Variants in CNTNAP2 observed in about 807,000 individuals in gnomAD.
CNTNAP2 encodes the protein contactin associated protein 2.
Under a neutral mutation model 155.2 loss-of-function variants are expected in CNTNAP2, and 98 were observed. That is an observed-to-expected ratio of 0.63 (90% CI 0.54 to 0.75). The LOEUF (loss-of-function observed/expected upper bound fraction) is 0.75. Ranked by LOEUF, CNTNAP2 falls within the 30% of genes least tolerant of loss-of-function variation. The pLI, the probability that CNTNAP2 is intolerant of heterozygous loss-of-function variation, is 0.00. For synonymous variants in CNTNAP2, 651 were observed against 631.2 expected (o/e 1.03, Z -0.47); for missense variants, 1,727 against 1,688.1 (o/e 1.02, Z -0.40).
At chr7:147,972,963 C>G (rs949608773) in intron 14 of CNTNAP2, among the ~76,000 whole-genome samples, 1 of 151,810 alleles carries the variant, frequency 6.6e-6, no homozygotes, top group Non-Finnish European at 1.5e-5. Context: ...CCACTCTGGG[C>G]ACAAAAGCAA....
intron 3 of CNTNAP2, among the ~76,000 whole-genome samples, chr7:146,934,375 G>A (rs1168132573): frequency 6.9e-6 from 1 of 145,216 alleles, no homozygotes; most frequent in African/African-American, 2.6e-5. Flanking sequence ...CTCACTCATA[G>A]ATGGGAATTG....
chr7:147,041,579 C>T (rs1799260486), intron 3 of CNTNAP2, among the ~76,000 whole-genome samples: 1 of 152,154 alleles, frequency 6.6e-6, no homozygotes, highest in Non-Finnish European at 1.5e-5. Context: ...TAGAATTTGC[C>T]TGATTACATA....
intron 4 of CNTNAP2, among the ~76,000 whole-genome samples, chr7:147,067,056 G>A (rs911887789): frequency 6.6e-6 from 1 of 152,158 alleles, no homozygotes; most frequent in Admixed American, 6.5e-5. Context: ...ACTTTGGGAG[G>A]CTGAGGTGGG....
intron 15 of CNTNAP2, among the ~76,000 whole-genome samples, chr7:148,078,937 T>A (rs1190784338): frequency 6.6e-6 from 1 of 152,230 alleles, no homozygotes; most frequent in African/African-American, 2.4e-5. Context: ...TTTCAACCTA[T>A]GAACAGTATT....
chr7:147,379,618 T>C (rs1031358689), intron 9 of CNTNAP2, among the ~76,000 whole-genome samples: 2 of 152,108 alleles, frequency 1.3e-5, no homozygotes, highest in Admixed American at 6.6e-5. Context: ...GGCTTATGCA[T>C]TCTCAAGAAT....
Position 148,415,858 on chromosome 7 carries a change from C to G in CNTNAP2, c.*242C>G. 3.4e-6 allele frequency: 2 copies of G among 587,178 alleles called. No individual in the cohort carries two copies. Among genetic ancestry groups the G allele is most frequent in the Non-Finnish European group, 6.0e-6 (2 of 334,164 alleles). 36.4% of individuals were successfully genotyped at this position (587,178 alleles called of 1,614,324 possible). ...TCAAAACAAAATAATACAAAAAATG[C>G]TTTTAGAGTTTAAGCAATGGTTGAA... On this transcript the variant is annotated 3_prime_UTR_variant, in exon 24 of 24. Coordinates refer to ENST00000361727, the MANE Select transcript of CNTNAP2 (RefSeq NM_014141.6).
rs771638730 is a variant in CNTNAP2 at position 148,161,711 on chromosome 7, T to A, written c.2774-10531T>A. ...AGCATCTTATTGCTATATTGAAGTG[T>A]CTGTCTCAAAAATAACCAAATCCAA... On this transcript the variant is annotated intron_variant, in intron 17 of 23. Coordinates refer to ENST00000361727, the MANE Select transcript of CNTNAP2 (RefSeq NM_014141.6). 9.1e-4 allele frequency among the ~76,000 whole-genome samples: 138 copies of A among 152,334 alleles called. 1 individual carries two copies. Among genetic ancestry groups the A allele is most frequent in the Admixed American group, 1.9e-3 (29 of 15,300 alleles).
chr7:147,907,146 TC>T (rs1165750440), intron 14 of CNTNAP2, among the ~76,000 whole-genome samples: 12 of 151,944 alleles, frequency 7.9e-5, no homozygotes, highest in African/African-American at 2.9e-4. Flanking sequence ...AAGCTCTGCC[TC>T]CCGGGTTCAC....
intron 13 of CNTNAP2, among the ~76,000 whole-genome samples, chr7:147,804,546 G>GT (rs112502971): frequency 0.11 from 15,772 of 141,648 alleles, 932 homozygotes; most frequent in African/African-American, 0.19. Flanking sequence ...TTCAGTTTTT[G>GT]TTTTTTTGTT....
chr7:146,361,380 C>T (rs1005386), intron 1 of CNTNAP2, among the ~76,000 whole-genome samples: 35,628 of 152,000 alleles, frequency 0.23, 4,844 homozygotes, highest in Admixed American at 0.39. Flanking sequence ...AACCAGTCCC[C>T]CACGTGTACC....
At chr7:146,542,260 T>C (rs1227023195) in intron 1 of CNTNAP2, among the ~76,000 whole-genome samples, 2 of 152,066 alleles carry the variant, frequency 1.3e-5, no homozygotes, top group South Asian at 2.1e-4. Flanking sequence ...AGCTAGGCTA[T>C]AAGGGGAGTG....
intron 9 of CNTNAP2, among the ~76,000 whole-genome samples, chr7:147,323,828 A>G (rs1261849895): frequency 6.6e-6 from 1 of 152,198 alleles, no homozygotes; most frequent in African/African-American, 2.4e-5. Context: ...ACGCATTTAT[A>G]TCTCTGTTAT....
rs137959184 is a variant in CNTNAP2 at position 146,535,989 on chromosome 7, C to A, written c.98-238282C>A. Reference sequence around the variant, plus strand: ...GAAAATATATGAAAGGAATTTTCTTCATCAGGAACTTCAGCAAGGTAAGTA... The same window carrying A: ...GAAAATATATGAAAGGAATTTTCTTAATCAGGAACTTCAGCAAGGTAAGTA... On this transcript the variant is annotated intron_variant, in intron 1 of 23. Coordinates refer to ENST00000361727, the MANE Select transcript of CNTNAP2 (RefSeq NM_014141.6). Among the ~76,000 whole-genome samples the A allele has an allele frequency of 6.7e-3, 1,024 of 152,178 alleles. 13 individuals are homozygous for A. The highest frequency in any genetic ancestry group is 0.021 in the African/African-American group (859 of 41,498).
At chr7:146,333,605 C>T (rs1801221702) in intron 1 of CNTNAP2, among the ~76,000 whole-genome samples, 1 of 152,150 alleles carries the variant, frequency 6.6e-6, no homozygotes, top group Admixed American at 6.5e-5. Flanking sequence ...TCACATTTCT[C>T]TCTTAGTAAT....
At chr7:148,052,411 G>T (rs1274555890) in intron 15 of CNTNAP2, among the ~76,000 whole-genome samples, 1 of 149,862 alleles carries the variant, frequency 6.7e-6, no homozygotes, top group African/African-American at 2.4e-5. Flanking sequence ...TGTAAAAAGT[G>T]TTTCCAATCA....
At chr7:146,860,685 A>G (rs1795080669) in intron 3 of CNTNAP2, among the ~76,000 whole-genome samples, 1 of 152,190 alleles carries the variant, frequency 6.6e-6, no homozygotes, top group South Asian at 2.1e-4. Context: ...GTCTTAACCT[A>G]AAGAAAGCAT....
chr7:146,621,648 C>G (rs1462190575), intron 1 of CNTNAP2, among the ~76,000 whole-genome samples: 3 of 152,136 alleles, frequency 2.0e-5, no homozygotes, highest in African/African-American at 7.2e-5. Flanking sequence ...GTCATTCTCA[C>G]CACATTCTAT....
rs927464209 is a variant in CNTNAP2 at position 148,070,701 on chromosome 7, G to A, written c.2384-47417G>A. On this transcript the variant is annotated intron_variant, in intron 15 of 23. Transcript: ENST00000361727. ...CCACTGCACTCCAGCCTGGGTGACAGAGCGAGACTCCTTCTAAAATAAATA... is the reference window on the plus strand; with the variant it reads ...CCACTGCACTCCAGCCTGGGTGACAAAGCGAGACTCCTTCTAAAATAAATA... 2.6e-5 allele frequency among the ~76,000 whole-genome samples: 4 copies of A among 152,314 alleles called. No homozygotes were observed. In the East Asian group the frequency reaches 5.8e-4, roughly 22 times the overall value.
chr7:147,454,943 G>T (rs1271341564), intron 10 of CNTNAP2, among the ~76,000 whole-genome samples: 1 of 152,046 alleles, frequency 6.6e-6, no homozygotes, highest in Non-Finnish European at 1.5e-5. Context: ...TCCCCCATTT[G>T]ACAGGATCAT....
Sources: gnomAD v4.1 joint callset for allele counts (sites outside exome capture counted in the v4.1 genomes callset) on GRCh38, gnomAD v4.1.1 for gene constraint, MANE v1.5 for transcripts, NCBI Gene and HGNC (gene_info 2026-07-23, HGNC 2026-07-21) for gene names.